CFAP47: variants seen among roughly 807,000 people sequenced by gnomAD.
CFAP47 encodes cilia- and flagella-associated protein 47.
A neutral mutation model predicts 148.1 loss-of-function variants in CFAP47; 29 were observed. That is an observed-to-expected ratio of 0.20 (90% CI 0.15 to 0.27). The LOEUF is 0.27. CFAP47 is among the 10% of genes least tolerant of loss of function. The pLI is 1.00. For missense variants in CFAP47, 1,872 were observed against 1,697.5 expected (o/e 1.10, Z -1.81); for synonymous variants, 664 against 577.3 (o/e 1.15, Z -2.15).
chrX:35,948,794 T>C (rs1936121831), intron 4 of CFAP47, among the ~76,000 whole-genome samples: 2 of 110,104 alleles, frequency 1.8e-5, no homozygotes, highest in Non-Finnish European at 3.8e-5. Context: ...GGGGTGTGTG[T>C]GTGTGCGTGT....
At chrX:36,027,616 C>A in intron 22 of CFAP47, among the ~76,000 whole-genome samples, 1 of 110,531 alleles carries the variant, frequency 9.0e-6, no homozygotes, top group Middle Eastern at 4.7e-3. Context: ...TTTTCTTTAT[C>A]CAACATGTGC....
intron 60 of CFAP47, among the ~76,000 whole-genome samples, chrX:36,356,220 C>T (rs369083245): frequency 1.5e-4 from 17 of 111,052 alleles, no homozygotes; most frequent in African/African-American, 4.6e-4. Context: ...AAATAACTGT[C>T]GGGAAGGTTT....
intron 1 of CFAP47, among the ~76,000 whole-genome samples, chrX:35,924,096 T>C (rs1007986526): frequency 4.4e-4 from 44 of 100,532 alleles, no homozygotes; most frequent in African/African-American, 1.6e-3. Context: ...TATGCGTACA[T>C]ATATGTATAT....
chrX:36,138,326 TTTGA>T lies in CFAP47; in HGVS notation c.5419-19_5419-16del, dbSNP rs1939080206. 9.2e-7 allele frequency: 1 copy of T among 1,087,798 alleles called. No individual in the cohort carries two copies. Among genetic ancestry groups the T allele is most frequent in the Non-Finnish European group, 1.2e-6 (1 of 838,122 alleles). The allele number at this position is 1,087,798 out of a possible 1,213,427, so 89.6% of individuals were successfully genotyped here. On this transcript the variant is annotated intron_variant, in intron 34 of 63. Transcript: ENST00000378653. ...AATTTTTTATTCCATTACCAAAAGG[TTTGA>T]TTTTTTTTTTTTTACAGATTGAGTC...
At chrX:36,273,436 A>G (rs1431925507) in intron 49 of CFAP47, among the ~76,000 whole-genome samples, 8 of 111,613 alleles carry the variant, frequency 7.2e-5, no homozygotes, top group Non-Finnish European at 1.3e-4. Context: ...CTATTGAGAC[A>G]AACTGAAAAT....
At chrX:36,020,755 A>T (rs1423422776) in intron 22 of CFAP47, among the ~76,000 whole-genome samples, 3 of 111,798 alleles carry the variant, frequency 2.7e-5, no homozygotes, top group African/African-American at 9.7e-5. Flanking sequence ...TGTGTTGCTT[A>T]TAGGCAGCAG....
chrX:36,367,194 G>A, intron 62 of CFAP47, 67 bp downstream of exon 62: 1 of 804,839 alleles, frequency 1.2e-6, no homozygotes, highest in East Asian at 3.7e-5. Flanking sequence ...TGAAATTTAA[G>A]ATGGAAAATT....
Position 36,273,175 on chromosome X carries a change from T to TG in CFAP47, c.7445-7312_7445-7311insG, listed in dbSNP as rs1556002143. Among the ~76,000 whole-genome samples the TG allele has an allele frequency of 2.7e-5, 3 of 111,760 alleles. No homozygotes were observed. In the Admixed American group the frequency reaches 2.9e-4, roughly 11 times the overall value. Reference sequence around the variant, plus strand: ...AAATTATTTTCAAAGGAAAACCCATTAATATAAAATTATGTTTTTCAGCCT... The same window carrying TG: ...AAATTATTTTCAAAGGAAAACCCATTGAATATAAAATTATGTTTTTCAGCCT... On this transcript the variant is annotated intron_variant, in intron 49 of 63. Coordinates refer to ENST00000378653, the MANE Select transcript of CFAP47 (RefSeq NM_001304548.2).
chrX:36,371,492 GGT>G (rs781803008), intron 62 of CFAP47, among the ~76,000 whole-genome samples: 1 of 103,465 alleles, frequency 9.7e-6, no homozygotes, highest in Non-Finnish European at 2.0e-5. Context: ...TGTAGGGCTG[GGT>G]GTGTGTATAT....
chrX:36,182,774 A>G (rs780226659), intron 40 of CFAP47, among the ~76,000 whole-genome samples: 5 of 112,298 alleles, frequency 4.5e-5, no homozygotes, highest in African/African-American at 1.6e-4. Flanking sequence ...AAAAAACTCC[A>G]TAAATAAACT....
At chrX:35,924,248 C>CATGTATGTGTAT (rs761132383) in intron 1 of CFAP47, among the ~76,000 whole-genome samples, 7,794 of 83,292 alleles carry the variant, frequency 0.094, 1,495 homozygotes, top group African/African-American at 0.36. Context: ...TGTATGTGTG[C>CATGTATGTGTAT]ATATGGACAT....
In CFAP47 at chrX:36,066,028, C is replaced by A. The variant is rs750531530; in HGVS notation, c.4318+285C>A. ...AGGTACAGGACCATAATGCTATGCC[C>A]TTTATTCTGTAGCAGTGGGAACCTT... On this transcript the variant is annotated intron_variant, in intron 27 of 63. Transcript: ENST00000378653. Among the ~76,000 whole-genome samples the A allele has an allele frequency of 3.6e-5, 4 of 111,996 alleles. No homozygotes were observed. The South Asian group carries it at 1.5e-3, about 42-fold the overall frequency.
intron 26 of CFAP47, among the ~76,000 whole-genome samples, chrX:36,055,162 T>A (rs768922481): frequency 9.0e-6 from 1 of 110,835 alleles, no homozygotes; most frequent in East Asian, 2.8e-4. Context: ...TTATTTATTT[T>A]TCTTCAATTT....
chrX:36,150,885 ATAGT>A (rs1939299770), intron 37 of CFAP47, among the ~76,000 whole-genome samples: 2 of 112,145 alleles, frequency 1.8e-5, no homozygotes, highest in South Asian at 7.3e-4. Context: ...TCATAATAAA[ATAGT>A]TAAATTTCTA....
intron 22 of CFAP47, among the ~76,000 whole-genome samples, chrX:36,021,285 T>G (rs1383678002): frequency 9.1e-6 from 1 of 110,128 alleles, no homozygotes; most frequent in Non-Finnish European, 1.9e-5. Flanking sequence ...ATAATATTTG[T>G]TTTTTGTGTG....
At chrX:36,001,321 G>A (rs753980180) in intron 20 of CFAP47, among the ~76,000 whole-genome samples, 4 of 111,160 alleles carry the variant, frequency 3.6e-5, no homozygotes, top group Non-Finnish European at 5.7e-5. Flanking sequence ...TAGCTGTTCC[G>A]GGACCTAAGA....
intron 39 of CFAP47, among the ~76,000 whole-genome samples, chrX:36,161,911 T>A (rs1001798522): frequency 6.2e-5 from 7 of 112,276 alleles, no homozygotes; most frequent in East Asian, 2.8e-4. Flanking sequence ...AGTGCAATTT[T>A]ATTAAAGTGA....
At chrX:36,134,417 A>G (rs1170141848) in intron 33 of CFAP47, among the ~76,000 whole-genome samples, 1 of 111,707 alleles carries the variant, frequency 9.0e-6, no homozygotes, top group Admixed American at 9.6e-5. Context: ...TGGTATTGAC[A>G]AAAGAATAGA....
At chrX:35,920,608 G>A (rs1935562847) in intron 1 of CFAP47, among the ~76,000 whole-genome samples, 1 of 111,502 alleles carries the variant, frequency 9.0e-6, no homozygotes, top group Non-Finnish European at 1.9e-5. Context: ...CATCAAGAAA[G>A]TTAATGTTCT....
Sources: allele counts gnomAD v4.1 joint callset (sites outside exome capture counted in the v4.1 genomes callset), GRCh38; gene constraint gnomAD v4.1.1; transcripts MANE v1.5; gene names NCBI Gene and HGNC (gene_info 2026-07-23, HGNC 2026-07-21).